The following KIRREL2 variants were observed in gnomAD, a reference collection of about 807,000 sequenced individuals.
KIRREL2 encodes the protein kirre like nephrin family adhesion molecule 2.
Under a neutral mutation model 73.4 loss-of-function variants are expected in KIRREL2, and 56 were observed. The ratio of observed to expected loss-of-function variants is 0.76; its 90% confidence interval spans 0.62 to 0.95. The LOEUF is 0.95. Ranked by LOEUF, KIRREL2 falls within the 40% of genes least tolerant of loss-of-function variation. KIRREL2 has a pLI of 0.00. For missense variants in KIRREL2, 896 were observed against 935.0 expected (o/e 0.96, Z 0.54); for synonymous variants, 407 against 404.0 (o/e 1.01, Z -0.09).
In KIRREL2 at chr19:35,863,163, C is replaced by G. The variant is rs539289547; in HGVS notation, c.1725+127C>G. 1.1e-5 allele frequency: 7 copies of G among 610,982 alleles called. No homozygotes were observed. In the South Asian group the frequency reaches 1.3e-4, roughly 12 times the overall value. The allele number at this position is 610,982 out of a possible 1,614,324, so 37.8% of individuals were successfully genotyped here. ...ATGGTGCCTGACGTTGGTAATACCA[C>G]TTTGGGAGGTGGAGACACAAGGATC... On this transcript the variant is annotated intron_variant, in intron 13 of 14. Coordinates refer to ENST00000360202, the MANE Select transcript of KIRREL2 (RefSeq NM_199180.4).
intron 5 of KIRREL2, 106 bp downstream of exon 5, chr19:35,859,737 C>A: frequency 7.6e-7 from 1 of 1,311,936 alleles, no homozygotes; most frequent in Non-Finnish European, 1.0e-6. Context: ...GGAGCCTGGA[C>A]TCCTGGATCT....
chr19:35,861,403 T>A (rs1973677172), intron 9 of KIRREL2, 138 bp from the exon 10 acceptor site: 1 of 1,468,928 alleles, frequency 6.8e-7, no homozygotes, highest in Admixed American at 2.1e-5. Context: ...GCGAGGCTTT[T>A]AGGAGAATCG....
At chr19:35,852,618 G>T (rs1973299283), upstream of KIRREL2, among the ~76,000 whole-genome samples, 1 of 152,060 alleles carries the variant, frequency 6.6e-6, no homozygotes, top group Non-Finnish European at 1.5e-5. Flanking sequence ...CACATGCCAG[G>T]CGCGTTCCTC....
At chr19:35,861,663 C>T (rs138023382) in intron 10 of KIRREL2, 22 bp downstream of exon 10, 11 of 1,608,786 alleles carry the variant, frequency 6.8e-6, no homozygotes, top group African/African-American at 2.7e-5. Context: ...TCACTCCTCC[C>T]GTGACCCATC....
chr19:35,861,883 A>G lies in KIRREL2; in HGVS notation c.1369A>G (p.Ser457Gly). 1 of 1,598,994 alleles carries G rather than the reference A, an allele frequency of 6.3e-7. No individual in the cohort carries two copies. Among genetic ancestry groups the G allele is most frequent in the African/African-American group, 1.3e-5 (1 of 74,752 alleles). ...FLVETFPAPE[S>G]RGGLGPGLIS... ...GGTGGAGACATTCCCTGCCCCAGAGAGCCGCGGGGGACTGGGTCCGGGCCT... is the reference window on the plus strand; with the variant it reads ...GGTGGAGACATTCCCTGCCCCAGAGGGCCGCGGGGGACTGGGTCCGGGCCT... The change falls in exon 11 of 15, where the codon AGC becomes GGC. Residue 457 changes from serine (S) to glycine (G), a missense_variant. Ser to Gly is a moderately conservative substitution (Grantham distance 56). Coordinates refer to ENST00000360202, the MANE Select transcript of KIRREL2 (RefSeq NM_199180.4).
Position 35,866,844 on chromosome 19 carries a change from G to C in KIRREL2, c.*352G>C. ...CCACTGAAAGAAGATATTTCAAGAT[G>C]ACCATCTGCATTGAGAGGAAAGGTA... On this transcript the variant is annotated 3_prime_UTR_variant, in exon 15 of 15. Coordinates refer to ENST00000360202, the MANE Select transcript of KIRREL2 (RefSeq NM_199180.4). 2.4e-6 allele frequency: 1 copy of C among 408,228 alleles called. No homozygotes were observed. The highest frequency in any genetic ancestry group is 4.4e-6 in the Non-Finnish European group (1 of 228,790). The allele number at this position is 408,228 out of a possible 1,614,324, so 25.3% of individuals were successfully genotyped here.
chr19:35,860,180 G>C (rs1973601550), intron 5 of KIRREL2, 117 bp from the exon 6 acceptor site: 1 of 770,184 alleles, frequency 1.3e-6, no homozygotes, highest in Non-Finnish European at 2.1e-6. Context: ...GGCTCAAAGG[G>C]AGAAGGGGAT....
chr19:35,852,120 G>T, upstream of KIRREL2, among the ~76,000 whole-genome samples: 1 of 141,218 alleles, frequency 7.1e-6, no homozygotes, highest in African/African-American at 2.7e-5. Flanking sequence ...TTAGAGACGG[G>T]GTCTCACTAT....
chr19:35,859,421 C>T (rs1470079898), intron 4 of KIRREL2, 60 bp from the exon 5 acceptor site: 1 of 1,513,756 alleles, frequency 6.6e-7, no homozygotes, highest in Non-Finnish European at 9.0e-7. Context: ...CCCAGGAAAG[C>T]CAAAAGATTG....
chr19:35,853,512 T>C (rs1206579600), upstream of KIRREL2, among the ~76,000 whole-genome samples: 1 of 152,186 alleles, frequency 6.6e-6, no homozygotes, highest in Non-Finnish European at 1.5e-5. Flanking sequence ...GATTTATCTT[T>C]CTTTCTTTTG....
At position 35,866,324 on chromosome 19, in the gene KIRREL2, AC is replaced by A. The variant is rs1440106673; in HGVS notation, c.1960del (p.Leu654PhefsTer77). On this transcript the variant is annotated frameshift_variant, in exon 15 of 15. Coordinates refer to ENST00000360202, the MANE Select transcript of KIRREL2 (RefSeq NM_199180.4). LOFTEE classifies it high-confidence loss of function. ...ACCTGGGCATGGTCCCCCCCTGCAG[AC>A]TTTACAGAGCCAGGGCAGGCTATCT... ...PHLGMVPPCR[L>X]YRARAGYLTT... 1.2e-6 allele frequency: 2 copies of A among 1,604,540 alleles called. No individual in the cohort carries two copies. Among genetic ancestry groups the A allele is most frequent in the Non-Finnish European group, 1.7e-6 (2 of 1,175,316 alleles).
Position 35,857,474 on chromosome 19 carries a change from G to C in KIRREL2, c.191G>C (p.Gly64Ala). ...TGGACTAAGAGTGGGCTGGCCCTAG[G>C]GGGCCAAAGGGACCTACCAGGTAAG... ...VQWTKSGLAL[G>A]GQRDLPGWSR... Residue 64 changes from glycine to alanine, a missense_variant, in exon 2 of 15, where the codon GGG becomes GCG. Gly to Ala is a moderately conservative substitution (Grantham distance 60). Transcript: ENST00000360202. The C allele has an allele frequency of 6.3e-7, 1 of 1,599,708 alleles. No individual in the cohort carries two copies. Among genetic ancestry groups the C allele is most frequent in the Non-Finnish European group, 8.5e-7 (1 of 1,174,208 alleles).
At chr19:35,864,626 C>T in intron 13 of KIRREL2, 22 bp from the exon 14 acceptor site, 1 of 1,603,256 alleles carries the variant, frequency 6.2e-7, no homozygotes. Context: ...ACTATTCCCT[C>T]TCACTAAGTT....
upstream of KIRREL2, chr19:35,856,073 C>G (rs1251269155): frequency 6.6e-6 from 1 of 152,312 alleles, no homozygotes; most frequent in African/African-American, 2.4e-5. This position sits in a 1 kb window ranked among gnomAD's most constrained non-coding sequence, Gnocchi z 5.9. Context: ...CTTACAGGTC[C>G]AGGAATGTCA....
Position 35,858,781 on chromosome 19 carries a change from C to G in KIRREL2, c.439C>G (p.Arg147Gly), listed in dbSNP as rs767203597. The change falls in exon 4 of 15, where the codon CGG (arginine) becomes GGG (glycine). Residue 147 changes from arginine to glycine, a missense_variant. By Grantham distance (125) the Arg-to-Gly change is moderately radical. Transcript: ENST00000360202. ...VAGVPANLTC[R>G]SRGDARPTPE... ...TGGAGTTCCTGCGAACCTGACATGT[C>G]GGAGCCGTGGGGATGCCCGCCCTAC... The G allele has an allele frequency of 1.9e-6, 3 of 1,614,196 alleles. No homozygotes were observed. The highest frequency in any genetic ancestry group is 4.5e-5 in the East Asian group (2 of 44,874).
rs768926805 is a variant in KIRREL2 at position 35,861,072 on chromosome 19, G to T, written c.1056+36G>T. 2.5e-6 allele frequency: 4 copies of T among 1,606,354 alleles called. No homozygotes were observed. The South Asian group carries it at 4.4e-5, about 18-fold the overall frequency. Reference sequence around the variant, plus strand: ...AAATCTGAGGCGGTGGCTGGAGGGGGACCAGGCTTCCTTACAAATCCGGCT... The same window carrying T: ...AAATCTGAGGCGGTGGCTGGAGGGGTACCAGGCTTCCTTACAAATCCGGCT... On this transcript the variant is annotated intron_variant, in intron 8 of 14. Transcript: ENST00000360202.
chr19:35,855,359 T>C (rs745600732), upstream of KIRREL2, among the ~76,000 whole-genome samples: 20 of 152,020 alleles, frequency 1.3e-4, no homozygotes, highest in Non-Finnish European at 2.8e-4. Context: ...TCCTGGGACC[T>C]TGGGCTCTCC....
intron 7 of KIRREL2, 80 bp downstream of exon 7, chr19:35,860,747 C>T (rs1973634258): frequency 1.3e-6 from 2 of 1,581,578 alleles, no homozygotes; most frequent in African/African-American, 1.3e-5. Flanking sequence ...CCTGGAGGGG[C>T]GGGGCCGGGA....
upstream of KIRREL2, chr19:35,851,528 C>T: frequency 1.2e-6 from 2 of 1,613,762 alleles, no homozygotes; most frequent in Non-Finnish European, 1.7e-6. Context: ...CAGGAGCAGC[C>T]CATCTTTGGC....
Sources: allele counts gnomAD v4.1 joint callset (sites outside exome capture counted in the v4.1 genomes callset), GRCh38; gene constraint gnomAD v4.1.1; non-coding constraint Gnocchi (gnomAD v3.1); transcripts MANE v1.5; gene names NCBI Gene and HGNC (gene_info 2026-07-23, HGNC 2026-07-21).